ZRANB3: variants seen among roughly 807,000 people sequenced by gnomAD.
ZRANB3 encodes the protein DNA annealing helicase and endonuclease ZRANB3.
In ZRANB3, 125 loss-of-function variants were observed where a neutral mutation model predicts 133.8. The observed-to-expected ratio is 0.93, with a 90% CI of 0.81 to 1.08. The LOEUF (loss-of-function observed/expected upper bound fraction) is 1.08, where lower values mean the gene tolerates loss of function less well. ZRANB3 is among the 50% of genes least tolerant of loss of function. ZRANB3 has a pLI of 0.00. For synonymous variants in ZRANB3, 387 were observed against 432.7 expected (o/e 0.89, Z 1.31); for missense variants, 1,229 against 1,275.5 (o/e 0.96, Z 0.56).
At chr2:135,511,055 T>G (rs1220819191) in intron 1 of ZRANB3, 9 of 774,724 alleles carry the variant, frequency 1.2e-5, no homozygotes, top group Non-Finnish European at 2.2e-5. Flanking sequence ...CCCTTTGAGG[T>G]TTCTGTGGTG....
intron 6 of ZRANB3, among the ~76,000 whole-genome samples, chr2:135,341,419 C>A (rs999284714): frequency 6.7e-6 from 1 of 150,028 alleles, no homozygotes; most frequent in Non-Finnish European, 1.5e-5. Flanking sequence ...ATCTCTTAAT[C>A]CCATCATCTT....
chr2:135,425,580 C>T (rs1171906010), intron 2 of ZRANB3, among the ~76,000 whole-genome samples: 2 of 151,916 alleles, frequency 1.3e-5, no homozygotes, highest in African/African-American at 4.8e-5. Flanking sequence ...AACTTGCTCC[C>T]GAATGACTTT....
Position 135,511,644 on chromosome 2 carries a change from G to A in ZRANB3, c.-7-7148C>T, listed in dbSNP as rs1184234443. On this transcript the variant is annotated intron_variant, in intron 1 of 20. Coordinates refer to ENST00000264159, the MANE Select transcript of ZRANB3 (RefSeq NM_032143.4). ...TGAATCTCCTCAAAGCCTGGTTGTT[G>A]TTAGACAGAAGCCCCAACACCTGGA... The A allele has an allele frequency of 1.4e-5, 11 of 775,508 alleles. No individual in the cohort carries two copies. In the Admixed American group the frequency reaches 1.9e-4, roughly 13 times the overall value. 48.0% of individuals were successfully genotyped at this position (775,508 alleles called of 1,614,324 possible). A position where few individuals can be genotyped will look rare whatever the true frequency, so the allele number is the denominator to read the frequency against.
At chr2:135,526,157 A>ATTT (rs993714638) in intron 1 of ZRANB3, among the ~76,000 whole-genome samples, 338 of 108,036 alleles carry the variant, frequency 3.1e-3, no homozygotes, top group Non-Finnish European at 3.8e-3. Flanking sequence ...CTAAGCTATG[A>ATTT]TTTTTTTTTT....
At chr2:135,479,165 T>A (rs1691645006) in intron 2 of ZRANB3, among the ~76,000 whole-genome samples, 1 of 152,110 alleles carries the variant, frequency 6.6e-6, no homozygotes, top group Non-Finnish European at 1.5e-5. Flanking sequence ...CATTCCAATT[T>A]TGTTCTTATA....
intron 12 of ZRANB3, among the ~76,000 whole-genome samples, chr2:135,264,562 G>C (rs1306802974): frequency 6.6e-6 from 1 of 151,780 alleles, no homozygotes; most frequent in African/African-American, 2.4e-5. Flanking sequence ...AAAACACTCA[G>C]TAAAAAGTTT....
At chr2:135,253,731 G>C (rs1175984672) in intron 12 of ZRANB3, among the ~76,000 whole-genome samples, 1 of 152,184 alleles carries the variant, frequency 6.6e-6, no homozygotes, top group Non-Finnish European at 1.5e-5. Flanking sequence ...AACCTCACCA[G>C]GTGATAGGAA....
intron 6 of ZRANB3, among the ~76,000 whole-genome samples, chr2:135,332,787 C>T (rs574607595): frequency 2.0e-5 from 3 of 152,208 alleles, no homozygotes; most frequent in African/African-American, 4.8e-5. Context: ...CAATACATTT[C>T]AGTCAACTGA....
intron 1 of ZRANB3, chr2:135,511,579 T>G (rs1256371467): frequency 1.1e-6 from 1 of 903,198 alleles, no homozygotes; most frequent in Non-Finnish European, 1.9e-6. Flanking sequence ...ATAGAACTGA[T>G]TTGCAACAGA....
intron 6 of ZRANB3, among the ~76,000 whole-genome samples, chr2:135,322,494 T>C (rs184139084): frequency 5.3e-5 from 8 of 152,054 alleles, no homozygotes; most frequent in Admixed American, 1.3e-4. Flanking sequence ...AGTGGGAGAA[T>C]TGCTGGAGGC....
chr2:135,455,066 T>G (rs2105009732), intron 2 of ZRANB3, among the ~76,000 whole-genome samples: 1 of 151,496 alleles, frequency 6.6e-6, no homozygotes, highest in African/African-American at 2.4e-5. Context: ...TAACTTAGGC[T>G]GGGTCAAGAA....
At chr2:135,443,616 C>T (rs544947232) in intron 2 of ZRANB3, among the ~76,000 whole-genome samples, 1 of 152,140 alleles carries the variant, frequency 6.6e-6, no homozygotes, top group East Asian at 1.9e-4. Flanking sequence ...ACAGATGCAG[C>T]ATCTCTGTGG....
intron 4 of ZRANB3, among the ~76,000 whole-genome samples, chr2:135,351,842 C>G (rs1354919553): frequency 6.6e-6 from 1 of 152,188 alleles, no homozygotes; most frequent in East Asian, 1.9e-4. Flanking sequence ...CTGTCCTTAA[C>G]TAACATCCTC....
intron 2 of ZRANB3, among the ~76,000 whole-genome samples, chr2:135,455,205 T>TTTTTTA (rs1690454030): frequency 8.6e-6 from 1 of 116,600 alleles, no homozygotes; most frequent in Non-Finnish European, 1.6e-5. Context: ...TTTTTTTTTT[T>TTTTTTA]GAGACGGAGT....
intron 16 of ZRANB3, among the ~76,000 whole-genome samples, chr2:135,218,707 G>T (rs1052477156): frequency 6.6e-6 from 1 of 152,058 alleles, no homozygotes. Context: ...ACCCAATAAG[G>T]TATTATCTCT....
intron 3 of ZRANB3, among the ~76,000 whole-genome samples, chr2:135,372,527 G>A (rs146740444): frequency 3.4e-4 from 52 of 152,258 alleles, no homozygotes; most frequent in African/African-American, 1.2e-3. Flanking sequence ...GCCAGGCGCG[G>A]TGGCTCATGC....
intron 2 of ZRANB3, among the ~76,000 whole-genome samples, chr2:135,443,886 T>C (rs1315229892): frequency 1.3e-5 from 2 of 152,162 alleles, no homozygotes; most frequent in Admixed American, 1.3e-4. Context: ...TCAAATCTTG[T>C]ATTTGATAAA....
At chr2:135,230,437 C>G in intron 13 of ZRANB3, 76 bp downstream of exon 13, 1 of 1,334,278 alleles carries the variant, frequency 7.5e-7, no homozygotes. Context: ...TGGATAACAG[C>G]AGTCTCTAAA....
intron 2 of ZRANB3, among the ~76,000 whole-genome samples, chr2:135,407,387 G>C (rs933354092): frequency 6.6e-6 from 1 of 151,768 alleles, no homozygotes; most frequent in African/African-American, 2.4e-5. Flanking sequence ...CGTGAAAATG[G>C]CCATACTGCC....
Sources: gnomAD v4.1 joint callset for allele counts (sites outside exome capture counted in the v4.1 genomes callset) on GRCh38, gnomAD v4.1.1 for gene constraint, MANE v1.5 for transcripts, NCBI Gene and HGNC (gene_info 2026-07-23, HGNC 2026-07-21) for gene names.